The following WWOX variants were observed in gnomAD, a reference collection of about 807,000 sequenced individuals.
The protein encoded by WWOX is WW domain containing oxidoreductase, also known as WW domain-containing oxidoreductase.
Under a neutral mutation model 46.2 loss-of-function variants are expected in WWOX, and 69 were observed. That is an observed-to-expected ratio of 1.49 (90% CI 1.23 to 1.82). The LOEUF is 1.82. Ranked by LOEUF, WWOX falls within the 40% of genes most tolerant of loss-of-function variation. WWOX has a pLI of 0.00. For missense variants in WWOX, 919 were observed against 542.6 expected (o/e 1.69, Z -6.89); for synonymous variants, 359 against 202.6 (o/e 1.77, Z -6.56).
intron 8 of WWOX, among the ~76,000 whole-genome samples, chr16:78,607,016 C>G (rs1334141422): frequency 3.3e-5 from 5 of 152,110 alleles, no homozygotes; most frequent in Admixed American, 1.3e-4. Flanking sequence ...TGCCCACAAC[C>G]TGGTGAACTG....
chr16:78,930,158 A>C (rs1308300058), intron 8 of WWOX, among the ~76,000 whole-genome samples: 1 of 151,550 alleles, frequency 6.6e-6, no homozygotes, highest in African/African-American at 2.4e-5. Flanking sequence ...TGGAAATGGG[A>C]GGAACTTGGG....
intron 8 of WWOX, among the ~76,000 whole-genome samples, chr16:78,732,220 G>GT (rs1160103712): frequency 1.3e-5 from 2 of 152,050 alleles, no homozygotes; most frequent in African/African-American, 4.8e-5. Context: ...TATGGTACAG[G>GT]TGACGCTGCA....
At chr16:79,206,508 C>A (rs1349446588) in intron 8 of WWOX, 1 of 152,180 alleles carries the variant, frequency 6.6e-6, no homozygotes, top group Non-Finnish European at 1.5e-5. Context: ...GAGGGTTAGG[C>A]AACAATGCTT....
At chr16:78,246,450 G>T (rs1056962717) in intron 5 of WWOX, among the ~76,000 whole-genome samples, 4 of 152,126 alleles carry the variant, frequency 2.6e-5, no homozygotes, top group African/African-American at 7.2e-5. Context: ...AGAAGAGGGG[G>T]GAAACCTGTT....
chr16:78,153,642 G>C (rs1366979943), intron 4 of WWOX, among the ~76,000 whole-genome samples: 1 of 152,096 alleles, frequency 6.6e-6, no homozygotes, highest in Non-Finnish European at 1.5e-5. Flanking sequence ...CATCTCTGTG[G>C]CCTTTTAATT....
chr16:78,916,843 T>C (rs1315653618), intron 8 of WWOX, among the ~76,000 whole-genome samples: 1 of 152,192 alleles, frequency 6.6e-6, no homozygotes, highest in Non-Finnish European at 1.5e-5. Flanking sequence ...TTAAACCCTT[T>C]CGATAGCAAG....
intron 8 of WWOX, among the ~76,000 whole-genome samples, chr16:78,877,953 G>T (rs2044267043): frequency 6.6e-6 from 1 of 152,170 alleles, no homozygotes; most frequent in African/African-American, 2.4e-5. Flanking sequence ...CTGTTCAATT[G>T]CAAATCCCCT....
chr16:78,142,907 A>C (rs560494635), intron 4 of WWOX, among the ~76,000 whole-genome samples: 1 of 152,368 alleles, frequency 6.6e-6, no homozygotes, highest in East Asian at 1.9e-4. Context: ...TATGACATGG[A>C]GTCTTACATT....
chr16:79,068,354 G>A (rs1442859975), intron 8 of WWOX, among the ~76,000 whole-genome samples: 24 of 152,170 alleles, frequency 1.6e-4, no homozygotes, highest in Admixed American at 1.5e-3. Context: ...GTCTGTGTTT[G>A]CAGGAGTTGT....
At chr16:78,741,016 C>G (rs1276056815) in intron 8 of WWOX, among the ~76,000 whole-genome samples, 1 of 152,150 alleles carries the variant, frequency 6.6e-6, no homozygotes, top group Non-Finnish European at 1.5e-5. Flanking sequence ...GGATACACCA[C>G]GATGATCCAC....
At chr16:78,710,339 A>T (rs1031080246) in intron 8 of WWOX, among the ~76,000 whole-genome samples, 1 of 151,278 alleles carries the variant, frequency 6.6e-6, no homozygotes, top group Non-Finnish European at 1.5e-5. Flanking sequence ...AGCTGCTTCT[A>T]GCCGCTCCAT....
chr16:79,137,138 T>C (rs760565222), intron 8 of WWOX, among the ~76,000 whole-genome samples: 6 of 152,218 alleles, frequency 3.9e-5, no homozygotes, highest in South Asian at 4.1e-4. Context: ...TGGAATGTTA[T>C]GGATCTCTGT....
chr16:78,190,227 C>T (rs535402291), intron 5 of WWOX, among the ~76,000 whole-genome samples: 1 of 152,176 alleles, frequency 6.6e-6, no homozygotes, highest in South Asian at 2.1e-4. Flanking sequence ...AATCTCTTAT[C>T]TGAAGGCCTA....
At chr16:78,977,257 G>C (rs746184680) in intron 8 of WWOX, among the ~76,000 whole-genome samples, 2 of 152,204 alleles carry the variant, frequency 1.3e-5, no homozygotes, top group Non-Finnish European at 2.9e-5. Flanking sequence ...GGGCCTGATG[G>C]TGTTTGTCAG....
At chr16:78,123,091 A>G (rs1043199332) in intron 4 of WWOX, among the ~76,000 whole-genome samples, 1 of 152,100 alleles carries the variant, frequency 6.6e-6, no homozygotes, top group South Asian at 2.1e-4. Context: ...CTTTTCTAAC[A>G]TATCTTTTAG....
rs1202195249 is a variant in WWOX, at chr16:78,229,500, C to CTATATATA, written c.516+65216_516+65217insATATATAT. 8.7e-4 allele frequency among the ~76,000 whole-genome samples: 96 copies of CTATATATA among 110,512 alleles called. 1 individual carries two copies. The highest frequency in any genetic ancestry group is 3.0e-3 in the African/African-American group (93 of 30,546). 72.5% of individuals were successfully genotyped at this position (110,512 alleles called of 152,430 possible). A position where few individuals can be genotyped will look rare whatever the true frequency, so the allele number is the denominator to read the frequency against. ...TATGTATATCTGTATATATATTTAT[C>CTATATATA]TATATCTATATAGAGATATATATAT... On this transcript the variant is annotated intron_variant, in intron 5 of 8. Transcript: ENST00000566780.
At chr16:78,930,279 C>CT (rs747275444) in intron 8 of WWOX, among the ~76,000 whole-genome samples, 49 of 107,216 alleles carry the variant, frequency 4.6e-4, no homozygotes, top group East Asian at 6.4e-4. Context: ...TTCTCTCTTT[C>CT]TTTTTTTATT....
rs1339729548 is a variant in WWOX at position 78,350,425 on chromosome 16, G to T, written c.517-36435G>T. 1.7e-5 allele frequency among the ~76,000 whole-genome samples: 2 copies of T among 120,676 alleles called. 1 individual carries two copies. The highest frequency in any genetic ancestry group is 5.6e-5 in the African/African-American group (2 of 35,644). The allele number at this position is 120,676 out of a possible 152,430, so 79.2% of individuals were successfully genotyped here. On this transcript the variant is annotated intron_variant, in intron 5 of 8. Transcript: ENST00000566780. ...TTTTCCCAAAAAGAAACCCTTGACT[G>T]GCATCCTTTTCCCCACTTCCTTTTC...
chr16:78,976,949 A>G (rs1176348254), intron 8 of WWOX, among the ~76,000 whole-genome samples: 1 of 152,102 alleles, frequency 6.6e-6, no homozygotes, highest in Non-Finnish European at 1.5e-5. Flanking sequence ...ACTGGCTTAG[A>G]TTTGACACCT....
Sources: gnomAD v4.1 joint callset for allele counts (sites outside exome capture counted in the v4.1 genomes callset) on GRCh38, gnomAD v4.1.1 for gene constraint, MANE v1.5 for transcripts, NCBI Gene and HGNC (gene_info 2026-07-23, HGNC 2026-07-21) for gene names.